Variants in TMEM74 observed in about 807,000 individuals in gnomAD.
The protein encoded by TMEM74 is transmembrane protein 74.
Under a neutral mutation model 18.1 loss-of-function variants are expected in TMEM74, and 13 were observed. The observed-to-expected ratio is 0.72, with a 90% confidence interval of 0.47 to 1.14. TMEM74 has a LOEUF of 1.14. TMEM74 is among the 50% of genes most tolerant of loss of function. The pLI is 0.00. For synonymous variants in TMEM74, 159 were observed against 146.6 expected, an observed-to-expected ratio of 1.08 and a Z score of -0.61; for missense variants, 372 against 375.9, an observed-to-expected ratio of 0.99 and a Z score of 0.09.
intron 1 of TMEM74, among the ~76,000 whole-genome samples, chr8:108,731,034 C>T (rs1284804841): frequency 6.6e-6 from 1 of 152,178 alleles, no homozygotes; most frequent in African/African-American, 2.4e-5. Flanking sequence ...TCTCCTCACT[C>T]TAAAAACACC....
At chr8:108,745,909 A>T (rs1813844228) in intron 1 of TMEM74, among the ~76,000 whole-genome samples, 1 of 152,100 alleles carries the variant, frequency 6.6e-6, no homozygotes, top group African/African-American at 2.4e-5. Context: ...TTCTGATCTA[A>T]TTACCGGTGC....
intron 1 of TMEM74, among the ~76,000 whole-genome samples, chr8:108,707,716 G>A (rs1356568236): frequency 6.6e-6 from 1 of 152,068 alleles, no homozygotes; most frequent in Non-Finnish European, 1.5e-5. Context: ...AGACTTAACT[G>A]TAAGAACAGA....
intron 1 of TMEM74, among the ~76,000 whole-genome samples, chr8:108,741,489 G>A (rs1173918101): frequency 1.3e-5 from 2 of 152,116 alleles, no homozygotes; most frequent in Non-Finnish European, 2.9e-5. Context: ...GACAGCCATG[G>A]TTTACACCTG....
intron 2 of TMEM74, among the ~76,000 whole-genome samples, chr8:108,615,675 A>G (rs1255466043): frequency 1.3e-5 from 2 of 152,124 alleles, no homozygotes; most frequent in Non-Finnish European, 2.9e-5. Context: ...TTGAAACGTG[A>G]TGTTCATACC....
intron 1 of TMEM74, among the ~76,000 whole-genome samples, chr8:108,713,723 G>C (rs1037682612): frequency 1.3e-5 from 2 of 152,206 alleles, no homozygotes; most frequent in Non-Finnish European, 2.9e-5. Flanking sequence ...CATGATATAT[G>C]AGAGGAGATT....
At chr8:108,692,102 G>A (rs576313001) in intron 1 of TMEM74, among the ~76,000 whole-genome samples, 10 of 152,238 alleles carry the variant, frequency 6.6e-5, no homozygotes, top group Admixed American at 6.5e-4. Flanking sequence ...ATTCAGAGAG[G>A]TGTATGAGAT....
intron 1 of TMEM74, among the ~76,000 whole-genome samples, chr8:108,720,250 T>A (rs1302950595): frequency 3.9e-5 from 6 of 152,150 alleles, no homozygotes; most frequent in Admixed American, 1.3e-4. Context: ...ACATTCTGTA[T>A]CAATTTTGAT....
At position 108,610,438 on chromosome 8, in the gene TMEM74, T is replaced by C. The variant is rs191261717; in HGVS notation, n.265-1612A>G. 2.0e-3 allele frequency among the ~76,000 whole-genome samples: 310 copies of C among 152,310 alleles called. 1 individual carries two copies. Among genetic ancestry groups the C allele is most frequent in the African/African-American group, 7.0e-3 (291 of 41,562 alleles). On this transcript the variant is annotated intron_variant and non_coding_transcript_variant, in intron 2 of 3. Coordinates refer to the TMEM74 transcript ENST00000518838. ...CTATGCCCTCATGAATCTTACATTC[T>C]AGTTGGAGGGTACAGTCAGTAGAAA...
At chr8:108,753,073 C>T (rs920060783) in intron 1 of TMEM74, among the ~76,000 whole-genome samples, 3 of 152,058 alleles carry the variant, frequency 2.0e-5, no homozygotes, top group Admixed American at 6.6e-5. Flanking sequence ...TAAGCTTCTT[C>T]ATTTCTGAAA....
chr8:108,729,321 G>A (rs1158324438), intron 1 of TMEM74, among the ~76,000 whole-genome samples: 1 of 152,094 alleles, frequency 6.6e-6, no homozygotes, highest in Admixed American at 6.6e-5. Context: ...AGCAATGATT[G>A]GTCAAGTCCC....
At chr8:108,741,473 A>G (rs1813799534) in intron 1 of TMEM74, among the ~76,000 whole-genome samples, 1 of 152,198 alleles carries the variant, frequency 6.6e-6, no homozygotes, top group Admixed American at 6.5e-5. Flanking sequence ...ATAGAGGTTT[A>G]TTTGGGACAG....
rs753033432 is a variant in TMEM74 at position 108,784,966 on chromosome 8, G to C, written c.133C>G (p.Gln45Glu). The C allele has an allele frequency of 1.9e-6, 3 of 1,614,168 alleles. No homozygotes were observed. Among genetic ancestry groups the C allele is most frequent in the African/African-American group, 2.7e-5 (2 of 75,036 alleles). ...ATRAALCCQK[Q>E]CASTPRATEM... ...GTTGCTCTTGGGGTGGATGCACACT[G>C]TTTCTGACAGCAGAGAGCAGCTCTT... The change falls in exon 2 of 2, where the codon CAG becomes GAG. Residue 45 changes from glutamine (Q) to glutamate (E), a missense_variant. By Grantham distance (29) the Gln-to-Glu change is conservative. Transcript: ENST00000297459.
At chr8:108,771,860 C>T (rs1012779254) in intron 1 of TMEM74, among the ~76,000 whole-genome samples, 1 of 152,066 alleles carries the variant, frequency 6.6e-6, no homozygotes, top group Non-Finnish European at 1.5e-5. Flanking sequence ...ACCTTGAAGA[C>T]TCCAGATACA....
chr8:108,769,633 G>A (rs542870471), intron 1 of TMEM74, among the ~76,000 whole-genome samples: 19 of 152,042 alleles, frequency 1.2e-4, no homozygotes, highest in Non-Finnish European at 2.6e-4. Flanking sequence ...CTAAATAAAG[G>A]GACCGTGTAC....
chr8:108,738,526 G>T (rs148381841), intron 1 of TMEM74, among the ~76,000 whole-genome samples: 20 of 152,240 alleles, frequency 1.3e-4, no homozygotes, highest in South Asian at 4.2e-4. Flanking sequence ...TTACCTTGTT[G>T]ATATAGGCAT....
At chr8:108,703,104 G>T (rs1813353060) in intron 1 of TMEM74, among the ~76,000 whole-genome samples, 1 of 152,194 alleles carries the variant, frequency 6.6e-6, no homozygotes, top group South Asian at 2.1e-4. Flanking sequence ...TGTACAAAAC[G>T]AAGCAGGTGG....
intron 1 of TMEM74, among the ~76,000 whole-genome samples, chr8:108,675,012 G>A (rs535157959): frequency 1.3e-5 from 2 of 152,278 alleles, no homozygotes; most frequent in Admixed American, 6.5e-5. Context: ...AATTACTGAG[G>A]AGTTAATACC....
intron 1 of TMEM74, among the ~76,000 whole-genome samples, chr8:108,762,038 T>A (rs1422489824): frequency 1.3e-5 from 2 of 152,142 alleles, no homozygotes; most frequent in Non-Finnish European, 2.9e-5. Flanking sequence ...TTAGAAATAA[T>A]TTAATAGTGT....
intron 1 of TMEM74, among the ~76,000 whole-genome samples, chr8:108,740,543 T>C (rs962227102): frequency 6.6e-6 from 1 of 152,244 alleles, no homozygotes; most frequent in Non-Finnish European, 1.5e-5. Context: ...TTTTCACAAA[T>C]TGAAGGTTTG....
Sources: allele counts gnomAD v4.1 joint callset (sites outside exome capture counted in the v4.1 genomes callset), GRCh38; gene constraint gnomAD v4.1.1; transcripts MANE v1.5; gene names NCBI Gene and HGNC (gene_info 2026-07-23, HGNC 2026-07-21).